The following TTC23L variants were observed in gnomAD, a reference collection of about 807,000 sequenced individuals.
The protein encoded by TTC23L is tetratricopeptide repeat domain 23 like.
In TTC23L, 42 loss-of-function variants were observed where a neutral mutation model predicts 48.1. The ratio of observed to expected loss-of-function variants is 0.87; its 90% CI spans 0.68 to 1.13. TTC23L has a LOEUF of 1.13. TTC23L is among the 50% of genes most tolerant of loss of function. The pLI, the probability that TTC23L is intolerant of heterozygous loss-of-function variation, is 0.00. For synonymous variants in TTC23L, 159 were observed against 157.2 expected, an observed-to-expected ratio of 1.01 and a Z score of -0.09; for missense variants, 391 against 421.0, an observed-to-expected ratio of 0.93 and a Z score of 0.62.
At position 34,840,740 on chromosome 5, in the gene TTC23L, G is replaced by T. The variant is rs1236489173; in HGVS notation, c.68+1G>T. On this transcript the variant is annotated splice_donor_variant, in intron 2 of 10. Coordinates refer to ENST00000505624, the Ensembl canonical transcript of TTC23L. LOFTEE classifies it high-confidence loss of function. ...TCGACTGGGATTTCTGCTTCCATAT[G>T]TAAGTATCACAGCATTTTGACATCA... The T allele has an allele frequency of 2.5e-6, 4 of 1,613,124 alleles. No homozygotes were observed. Among genetic ancestry groups the T allele is most frequent in the African/African-American group, 1.3e-5 (1 of 74,874 alleles).
intron 3 of TTC23L, 155 bp downstream of exon 3, chr5:34,845,828 T>A: frequency 1.4e-6 from 1 of 725,074 alleles, no homozygotes; most frequent in Non-Finnish European, 2.2e-6. Context: ...CCTACTTAGG[T>A]AGCCAGCCCA....
chr5:34,908,760 C>A, the TTC23L span: 1 of 1,591,798 alleles, frequency 6.3e-7, no homozygotes, highest in South Asian at 1.1e-5. Context: ...AGTGAATTGT[C>A]ATACTCAAGA....
intron 9 of TTC23L, among the ~76,000 whole-genome samples, chr5:34,893,489 ACTTT>A (rs1763006129): frequency 6.6e-6 from 1 of 152,186 alleles, no homozygotes; most frequent in African/African-American, 2.4e-5. Context: ...TTAGGAAAGA[ACTTT>A]GGAGCATGCT....
the TTC23L span, chr5:34,915,715 C>T: frequency 1.9e-6 from 3 of 1,586,162 alleles, no homozygotes; most frequent in East Asian, 2.3e-5. Context: ...GAAAGGAGGC[C>T]AAGAGCGCGG....
At chr5:34,911,504 G>A in the TTC23L span, 17 of 1,570,970 alleles carry the variant, frequency 1.1e-5, no homozygotes, top group Admixed American at 1.3e-4. Flanking sequence ...GTCTAAGTGG[G>A]AAGATGGAGT....
Position 34,863,461 on chromosome 5 carries a change from C to G in TTC23L, c.536+407C>G, listed in dbSNP as rs1441758165. Reference sequence around the variant, plus strand: ...AAACTAGGCTGCACATTGTAATCCCCTGGGGAGCTTTAAGAATTTCTGCTG... The same window carrying G: ...AAACTAGGCTGCACATTGTAATCCCGTGGGGAGCTTTAAGAATTTCTGCTG... On this transcript the variant is annotated intron_variant, in intron 5 of 10. Transcript: ENST00000505624. This position sits in a 1 kb window ranked among gnomAD's most constrained non-coding sequence, Gnocchi z 4.1. 3.9e-5 allele frequency among the ~76,000 whole-genome samples: 6 copies of G among 152,144 alleles called. No individual in the cohort carries two copies. Among genetic ancestry groups the G allele is most frequent in the African/African-American group, 1.4e-4 (6 of 41,412 alleles).
At chr5:34,874,580 G>A (rs1432912925) in intron 8 of TTC23L, among the ~76,000 whole-genome samples, 1 of 152,054 alleles carries the variant, frequency 6.6e-6, no homozygotes, top group Non-Finnish European at 1.5e-5. Context: ...AAAAGGAGCT[G>A]GGTGCAGTGG....
chr5:34,919,644 T>C, the TTC23L span, among the ~76,000 whole-genome samples: 1 of 152,186 alleles, frequency 6.6e-6, no homozygotes, highest in East Asian at 1.9e-4. Context: ...ATTTTACTTA[T>C]TTTCTTTACA....
intron 8 of TTC23L, among the ~76,000 whole-genome samples, chr5:34,879,942 G>C (rs556164207): frequency 6.6e-6 from 1 of 152,264 alleles, no homozygotes; most frequent in South Asian, 2.1e-4. Flanking sequence ...GTTGCAGTGA[G>C]CCGAGGTTGC....
chr5:34,923,687 G>C, the TTC23L span, among the ~76,000 whole-genome samples: 180 of 152,294 alleles, frequency 1.2e-3, no homozygotes, highest in African/African-American at 4.2e-3. Context: ...GATTGCAGTT[G>C]TGAGCCACTG....
chr5:34,908,104 G>C, the TTC23L span: 1 of 150,740 alleles, frequency 6.6e-6, no homozygotes, highest in African/African-American at 2.4e-5. Flanking sequence ...ATATGCCTTT[G>C]CTTTTTCTAA....
At chr5:34,856,044 G>T (rs1210299289) in intron 4 of TTC23L, among the ~76,000 whole-genome samples, 1 of 152,172 alleles carries the variant, frequency 6.6e-6, no homozygotes, top group Non-Finnish European at 1.5e-5. Context: ...CATGGTGTTC[G>T]ATTTGGGGTT....
chr5:34,879,870 C>T (rs553376623), intron 8 of TTC23L, among the ~76,000 whole-genome samples: 3 of 152,200 alleles, frequency 2.0e-5, no homozygotes, highest in East Asian at 3.9e-4. Context: ...GTGGCGCACA[C>T]GTGTAGTTCC....
chr5:34,840,186 C>T (rs1049657960), intron 1 of TTC23L, among the ~76,000 whole-genome samples: 2 of 150,148 alleles, frequency 1.3e-5, no homozygotes, highest in Non-Finnish European at 3.0e-5. Context: ...GCCTCTGTAC[C>T]CGCCTCGTGA....
At chr5:34,839,548 A>C (rs1758419574) in intron 1 of TTC23L, 1 of 801,414 alleles carries the variant, frequency 1.2e-6, no homozygotes, top group Admixed American at 6.2e-5. Flanking sequence ...GGAGTTTGAG[A>C]GATCAGAACT....
At chr5:34,880,442 T>C in intron 9 of TTC23L, 134 bp downstream of exon 9, 1 of 977,826 alleles carries the variant, frequency 1.0e-6, no homozygotes, top group Admixed American at 3.1e-5. Flanking sequence ...CATTGTTTCA[T>C]TCTTTGCTAG....
At chr5:34,914,942 C>T in the TTC23L span, 1 of 1,599,612 alleles carries the variant, frequency 6.3e-7, no homozygotes. Flanking sequence ...CCAACAACTT[C>T]TCGGCGGATC....
chr5:34,882,391 G>A (rs1444139317), intron 9 of TTC23L, among the ~76,000 whole-genome samples: 1 of 152,206 alleles, frequency 6.6e-6, no homozygotes, highest in Non-Finnish European at 1.5e-5. Context: ...CATGAGGGCA[G>A]GAATTTTTGT....
downstream of TTC23L, among the ~76,000 whole-genome samples, chr5:34,901,888 C>T (rs952038287): frequency 2.6e-5 from 4 of 152,202 alleles, no homozygotes; most frequent in Admixed American, 1.3e-4. Flanking sequence ...TCCCACTCTG[C>T]TGCCTCCACC....
Sources: gnomAD v4.1 joint callset for allele counts (sites outside exome capture counted in the v4.1 genomes callset) on GRCh38, gnomAD v4.1.1 for gene constraint, Gnocchi (gnomAD v3.1) non-coding constraint, MANE v1.5 for transcripts, NCBI Gene and HGNC (gene_info 2026-07-23, HGNC 2026-07-21) for gene names.